CD53: variants seen among roughly 807,000 people sequenced by gnomAD.
CD53 encodes CD53 molecule.
In CD53, 20 loss-of-function variants were observed where a neutral mutation model predicts 27.3. That is an observed-to-expected ratio of 0.73 (90% CI 0.52 to 1.07). The LOEUF is 1.07. Ranked by LOEUF, CD53 falls within the 50% of genes least tolerant of loss-of-function variation. The probability of loss-of-function intolerance (pLI) is 0.00; values close to 1 mark genes in which losing one functional copy is unlikely to be tolerated. For missense variants in CD53, 216 were observed against 264.0 expected (o/e 0.82, Z 1.26); for synonymous variants, 106 against 105.3 (o/e 1.01, Z -0.04).
At chr1:110,885,181 A>G (rs995142926) in intron 1 of CD53, among the ~76,000 whole-genome samples, 10 of 152,178 alleles carry the variant, frequency 6.6e-5, no homozygotes, top group Non-Finnish European at 1.0e-4. Context: ...TATTATTATC[A>G]TAAAGTTTAC....
chr1:110,872,407 G>A (rs1655992352), upstream of CD53, among the ~76,000 whole-genome samples: 1 of 152,140 alleles, frequency 6.6e-6, no homozygotes, highest in Non-Finnish European at 1.5e-5. Context: ...GTAACCAGTA[G>A]GATTATTATT....
At chr1:110,872,962 T>G (rs564030440), upstream of CD53, among the ~76,000 whole-genome samples, 1 of 152,332 alleles carries the variant, frequency 6.6e-6, no homozygotes, top group East Asian at 1.9e-4. Flanking sequence ...TTTTGAAGTT[T>G]TCTTTTGTTT....
intron 7 of CD53, among the ~76,000 whole-genome samples, chr1:110,898,574 A>C (rs1451430846): frequency 6.6e-6 from 1 of 152,090 alleles, no homozygotes; most frequent in East Asian, 1.9e-4. Flanking sequence ...GGGGCTGATG[A>C]CGAAAATTGT....
chr1:110,898,102 G>A (rs1657142209), intron 7 of CD53, among the ~76,000 whole-genome samples: 2 of 152,148 alleles, frequency 1.3e-5, no homozygotes. Context: ...TCTTGGCCGG[G>A]CGTGGTGGCT....
At chr1:110,892,744 C>T in intron 3 of CD53, 3 of 498,158 alleles carry the variant, frequency 6.0e-6, no homozygotes, top group African/African-American at 2.0e-5. Flanking sequence ...TGCTATCCCC[C>T]TTGTAGCCAT....
At chr1:110,886,869 A>ATATATATATATTTTTTT (rs1298376721) in intron 1 of CD53, among the ~76,000 whole-genome samples, 1 of 82,794 alleles carries the variant, frequency 1.2e-5, no homozygotes, top group Non-Finnish European at 2.2e-5. Context: ...ATATATATAT[A>ATATATATATATTTTTTT]TTTTTTTTTT....
upstream of CD53, among the ~76,000 whole-genome samples, chr1:110,872,337 G>C (rs1409732637): frequency 2.0e-5 from 3 of 152,126 alleles, no homozygotes; most frequent in African/African-American, 4.8e-5. Flanking sequence ...GTATGAGCTT[G>C]GGCAAATTTT....
chr1:110,891,704 T>TG lies in CD53; in HGVS notation c.63+234dup, dbSNP rs536067504. On this transcript the variant is annotated intron_variant, in intron 2 of 7. Transcript: ENST00000271324. ...TATTAATGGAGGTGCTGTTTCTCTCTGAGGGCTTTAGTTTACTACTACTCG... is the reference window on the plus strand; with the variant it reads ...TATTAATGGAGGTGCTGTTTCTCTCTGGAGGGCTTTAGTTTACTACTACTCG... Among the ~76,000 whole-genome samples, 21 of 152,346 alleles carry TG rather than the reference T, an allele frequency of 1.4e-4. No individual in the cohort carries two copies. The South Asian group carries it at 4.1e-3, about 30-fold the overall frequency.
intron 1 of CD53, among the ~76,000 whole-genome samples, chr1:110,876,026 T>C (rs1173690054): frequency 6.6e-6 from 1 of 152,192 alleles, no homozygotes; most frequent in Non-Finnish European, 1.5e-5. Context: ...AAAGAAAATA[T>C]GACACAAGCA....
chr1:110,884,848 T>C (rs1308442994), intron 1 of CD53, among the ~76,000 whole-genome samples: 2 of 9,812 alleles, frequency 2.0e-4, no homozygotes, highest in Non-Finnish European at 0.019. Flanking sequence ...ATATTTTAAA[T>C]GCATTTTTTT....
chr1:110,896,693 G>C lies in CD53; in HGVS notation c.464G>C (p.Ser155Thr). ...ATAAATGGCACGAGTGATTGGACCAGTGGCCCACCAGCATCTTGCCCCTCA... is the reference window on the plus strand; with the variant it reads ...ATAAATGGCACGAGTGATTGGACCACTGGCCCACCAGCATCTTGCCCCTCA... ...CGINGTSDWT[S>T]GPPASCPSDR... Residue 155 changes from serine to threonine, a missense_variant, in exon 6 of 8, where the codon AGT becomes ACT. By Grantham distance (58) the Ser-to-Thr change is moderately conservative (BLOSUM62 1). Transcript: ENST00000271324. 1.2e-6 allele frequency: 2 copies of C among 1,613,650 alleles called. No homozygotes were observed. The highest frequency in any genetic ancestry group is 8.5e-7 in the Non-Finnish European group (1 of 1,179,806).
chr1:110,895,972 A>G (rs1451554150), intron 5 of CD53, among the ~76,000 whole-genome samples: 1 of 152,196 alleles, frequency 6.6e-6, no homozygotes, highest in African/African-American at 2.4e-5. Context: ...TCTATAATTA[A>G]ATTTCCCTAA....
intron 1 of CD53, among the ~76,000 whole-genome samples, chr1:110,886,869 A>ATATATATATATATATATATATATT (rs1298376721): frequency 1.2e-5 from 1 of 82,798 alleles, no homozygotes; most frequent in South Asian, 4.2e-4. Context: ...ATATATATAT[A>ATATATATATATATATATATATATT]TTTTTTTTTT....
At chr1:110,890,224 G>A (rs1656797961) in intron 1 of CD53, among the ~76,000 whole-genome samples, 1 of 152,018 alleles carries the variant, frequency 6.6e-6, no homozygotes, top group Admixed American at 6.6e-5. Context: ...TCCTGTGCAC[G>A]GTTTTAAAAA....
intron 1 of CD53, among the ~76,000 whole-genome samples, chr1:110,890,673 A>T (rs1178259691): frequency 6.6e-6 from 1 of 152,260 alleles, no homozygotes; most frequent in Non-Finnish European, 1.5e-5. Context: ...GACATTGGAC[A>T]TTGATGTCCT....
intron 1 of CD53, among the ~76,000 whole-genome samples, chr1:110,886,868 TA>T (rs1335524303): frequency 1.4e-3 from 57 of 41,414 alleles, no homozygotes; most frequent in East Asian, 4.8e-3. Flanking sequence ...TATATATATA[TA>T]TTTTTTTTTT....
chr1:110,891,218 C>T (rs1306750657), intron 1 of CD53, among the ~76,000 whole-genome samples, 174 bp from the exon 2 acceptor site: 2 of 152,212 alleles, frequency 1.3e-5, no homozygotes, highest in Non-Finnish European at 2.9e-5. Flanking sequence ...CTAAGATGAG[C>T]CAGTTGGTAT....
chr1:110,890,130 A>G lies in CD53; in HGVS notation c.-17-1262A>G, dbSNP rs147216704. Among the ~76,000 whole-genome samples, 434 of 152,274 alleles carry G rather than the reference A, an allele frequency of 2.9e-3. 2 individuals carry two copies. Among genetic ancestry groups the G allele is most frequent in the African/African-American group, 0.01 (417 of 41,552 alleles). The stretch of plus-strand genomic sequence containing the variant: ...TGAAACTGCAAAGGAGATACTATGG[A>G]TTGCACAAGTGACCCATGCACTGGA... On this transcript the variant is annotated intron_variant, in intron 1 of 7. Transcript: ENST00000271324.
chr1:110,887,724 G>C (rs554747742), intron 1 of CD53, among the ~76,000 whole-genome samples: 5 of 152,334 alleles, frequency 3.3e-5, no homozygotes, highest in African/African-American at 1.2e-4. Context: ...TTTCCAGTCT[G>C]ACTGGTGGGA....
Sources: allele counts gnomAD v4.1 joint callset (sites outside exome capture counted in the v4.1 genomes callset), GRCh38; gene constraint gnomAD v4.1.1; transcripts MANE v1.5; gene names NCBI Gene and HGNC (gene_info 2026-07-23, HGNC 2026-07-21).